Variants in KDM1B observed in about 807,000 individuals in gnomAD.
The protein encoded by KDM1B is lysine demethylase 1B, also known as lysine-specific histone demethylase 2.
A neutral mutation model predicts 107.4 loss-of-function variants in KDM1B; 63 were observed. The observed-to-expected ratio is 0.59, with a 90% CI of 0.48 to 0.72. KDM1B has a LOEUF of 0.72. KDM1B is among the 30% of genes least tolerant of loss of function. The probability of loss-of-function intolerance (pLI) is 0.00; values close to 1 mark genes in which losing one functional copy is unlikely to be tolerated. For missense variants in KDM1B, 749 were observed against 1,020.8 expected (o/e 0.73, Z 3.63); for synonymous variants, 363 against 363.9 (o/e 1.00, Z 0.03).
Position 18,204,557 on chromosome 6 carries a change from A to G in KDM1B, c.1532-980A>G, listed in dbSNP as rs1352731988. Among the ~76,000 whole-genome samples the G allele has an allele frequency of 1.3e-5, 2 of 152,202 alleles. No individual in the cohort carries two copies. The highest frequency in any genetic ancestry group is 2.9e-5 in the Non-Finnish European group (2 of 68,038). On this transcript the variant is annotated intron_variant, in intron 14 of 21. Coordinates refer to ENST00000650836, the MANE Select transcript of KDM1B (RefSeq NM_001364614.2). The surrounding 1 kb of genome is among the most constrained non-coding windows in gnomAD (Gnocchi z 4.9). ...TGTTTTGGATGGTTGTCATCACTGGAACAGTTGTAAAGAAGTAACCTGTAC... is the reference window on the plus strand; with the variant it reads ...TGTTTTGGATGGTTGTCATCACTGGGACAGTTGTAAAGAAGTAACCTGTAC...
Position 18,191,123 on chromosome 6 carries a change from T to G in KDM1B, c.785-74T>G, listed in dbSNP as rs1178688029. 1 of 1,392,852 alleles carries G rather than the reference T, an allele frequency of 7.2e-7. No individual in the cohort carries two copies. The highest frequency in any genetic ancestry group is 2.5e-5 in the East Asian group (1 of 39,918). The allele number at this position is 1,392,852 out of a possible 1,614,324, so 86.3% of individuals were successfully genotyped here. A position where few individuals can be genotyped will look rare whatever the true frequency, so the allele number is the denominator to read the frequency against. On this transcript the variant is annotated intron_variant, in intron 9 of 21. Transcript: ENST00000650836. This position sits in a 1 kb window ranked among gnomAD's most constrained non-coding sequence, Gnocchi z 5.1. ...GCTTGTCTAGGCTTACTTTTTGGTT[T>G]GCTTTTGCCCTTTAATTCTTCTGGA...
chr6:18,170,592 C>T (rs1219111818), intron 6 of KDM1B, among the ~76,000 whole-genome samples: 1 of 151,546 alleles, frequency 6.6e-6, no homozygotes, highest in Non-Finnish European at 1.5e-5. Flanking sequence ...GCCATCCTCT[C>T]ACCTCAGCCT....
chr6:18,166,791 C>A (rs988205627), intron 6 of KDM1B, among the ~76,000 whole-genome samples: 1 of 150,724 alleles, frequency 6.6e-6, no homozygotes, highest in Non-Finnish European at 1.5e-5. Flanking sequence ...GAGTTCAAGG[C>A]TGTAGTGAGC....
At chr6:18,176,092 G>C (rs116083521) in intron 7 of KDM1B, among the ~76,000 whole-genome samples, 1 of 151,860 alleles carries the variant, frequency 6.6e-6, no homozygotes, top group African/African-American at 2.4e-5. Flanking sequence ...CTACCCATCC[G>C]TGAGCATCCA....
Position 18,184,313 on chromosome 6 carries a change from C to T in KDM1B, c.535-1459C>T, listed in dbSNP as rs142439394. ...TTTTTGAGACGGAGTGTCGCTTTGT[C>T]GCCCAGGCTGGAGTTCAGTGTTGCG... On this transcript the variant is annotated intron_variant, in intron 7 of 21. Coordinates refer to ENST00000650836, the MANE Select transcript of KDM1B (RefSeq NM_001364614.2). 6.5e-3 allele frequency among the ~76,000 whole-genome samples: 782 copies of T among 120,262 alleles called. 8 individuals carry two copies. The highest frequency in any genetic ancestry group is 0.023 in the African/African-American group (732 of 31,538). The allele number at this position is 120,262 out of a possible 152,430, so 78.9% of individuals were successfully genotyped here. A position where few individuals can be genotyped will look rare whatever the true frequency, so the allele number is the denominator to read the frequency against.
Position 18,197,710 on chromosome 6 carries a change from T to C in KDM1B, c.1221+49T>C. 7.5e-7 allele frequency: 1 copy of C among 1,338,660 alleles called. No individual in the cohort carries two copies. The highest frequency in any genetic ancestry group is 2.3e-5 in the East Asian group (1 of 43,382). 82.9% of individuals were successfully genotyped at this position (1,338,660 alleles called of 1,614,324 possible). ...TAGAACAGATGGTTGACTGCTCCTT[T>C]TGGTCCAAATTTCTAAGATTTAGAA... is the stretch of plus-strand genomic sequence containing the variant. On this transcript the variant is annotated intron_variant, in intron 12 of 21. Transcript: ENST00000650836. The surrounding 1 kb of genome is among the most constrained non-coding windows in gnomAD (Gnocchi z 4.5).
In KDM1B at chr6:18,201,712, C is replaced by T. The variant is rs756219951; in HGVS notation, c.1531+55C>T. 15 of 1,424,386 alleles carry T rather than the reference C, an allele frequency of 1.1e-5. No homozygotes were observed. Among genetic ancestry groups the T allele is most frequent in the Non-Finnish European group, 1.4e-5 (15 of 1,055,220 alleles). 88.2% of individuals were successfully genotyped at this position (1,424,386 alleles called of 1,614,324 possible). ...CATCTCAGTTTCGTTGTTACCTAAG[C>T]TTCATCAGCAGTGGCATTGTTCATT... is the stretch of plus-strand genomic sequence containing the variant. On this transcript the variant is annotated intron_variant, in intron 14 of 21. Coordinates refer to ENST00000650836, the MANE Select transcript of KDM1B (RefSeq NM_001364614.2). The surrounding 1 kb of genome is among the most constrained non-coding windows in gnomAD (Gnocchi z 4.3).
chr6:18,207,598 GC>G (rs1788475261), intron 16 of KDM1B, 69 bp downstream of exon 16: 1 of 1,586,660 alleles, frequency 6.3e-7, no homozygotes, highest in African/African-American at 1.3e-5. Context: ...TGGGCATGCG[GC>G]TCACGCAGGA....
chr6:18,156,751 T>C lies in KDM1B; in HGVS notation c.-14+825T>C, dbSNP rs1371026305. On this transcript the variant is annotated intron_variant, in intron 2 of 21. Transcript: ENST00000650836. ...GGCCAAGGTGGTGAAACCTGGTCTC[T>C]ACTAAAAATACAAAAATTAGCCGGA... Among the ~76,000 whole-genome samples the C allele has an allele frequency of 5.3e-5, 8 of 151,972 alleles. No homozygotes were observed. In the East Asian group the frequency reaches 1.5e-3, roughly 29 times the overall value.
At position 18,219,980 on chromosome 6, in the gene KDM1B, G is replaced by A. The variant is rs141942969; in HGVS notation, c.2386-1929G>A. Among the ~76,000 whole-genome samples the A allele has an allele frequency of 7.9e-5, 12 of 152,270 alleles. 1 individual carries two copies. The East Asian group carries it at 2.3e-3, about 29-fold the overall frequency. The stretch of plus-strand genomic sequence containing the variant: ...CCGGTCAAGTGGGGAATGTGGTGAG[G>A]GATGTATTAATAATTGCTCTTTATA... On this transcript the variant is annotated intron_variant, in intron 21 of 21. Coordinates refer to ENST00000650836, the MANE Select transcript of KDM1B (RefSeq NM_001364614.2).
chr6:18,215,864 T>C (rs761634641), intron 20 of KDM1B, among the ~76,000 whole-genome samples: 2 of 152,166 alleles, frequency 1.3e-5, no homozygotes, highest in Non-Finnish European at 2.9e-5. Context: ...GCCAGCTTTT[T>C]TTAATATCGC....
At chr6:18,219,093 G>A (rs1279894254) in intron 21 of KDM1B, among the ~76,000 whole-genome samples, 2 of 151,912 alleles carry the variant, frequency 1.3e-5, no homozygotes, top group South Asian at 4.2e-4. Context: ...TAGTAGAGAC[G>A]GGGTTTCACC....
At chr6:18,173,436 T>A (rs1464924965) in intron 7 of KDM1B, among the ~76,000 whole-genome samples, 1 of 152,206 alleles carries the variant, frequency 6.6e-6, no homozygotes, top group Non-Finnish European at 1.5e-5. Flanking sequence ...TGAATATTTT[T>A]TCCCCCCAGT....
chr6:18,190,899 CA>C (rs568735839), intron 9 of KDM1B, among the ~76,000 whole-genome samples: 1,949 of 125,240 alleles, frequency 0.016, 37 homozygotes, highest in African/African-American at 0.047. Flanking sequence ...GACTCTGTCT[CA>C]AAAAAAAAAA....
intron 7 of KDM1B, among the ~76,000 whole-genome samples, chr6:18,175,608 G>A (rs771064808): frequency 6.6e-6 from 1 of 152,102 alleles, no homozygotes; most frequent in South Asian, 2.1e-4. Context: ...GTAGTTTCAG[G>A]TCCTAGATTT....
At chr6:18,189,171 C>T (rs1390179180) in intron 9 of KDM1B, among the ~76,000 whole-genome samples, 2 of 152,152 alleles carry the variant, frequency 1.3e-5, no homozygotes, top group Non-Finnish European at 2.9e-5. Context: ...TACGCCTGGA[C>T]AGGAACAAAT....
intron 7 of KDM1B, among the ~76,000 whole-genome samples, chr6:18,174,617 A>G (rs369876137): frequency 7.0e-6 from 1 of 143,202 alleles, no homozygotes; most frequent in Non-Finnish European, 1.5e-5. Context: ...CCCCCCTTCT[A>G]CTTTTCCCCC....
In KDM1B at chr6:18,185,766, T is replaced by C; in HGVS notation, c.535-6T>C. ...CCCTAATTTAACACTTGGTTTTCTT[T>C]TGTAGCCTGAGACCTCAGATCATTG... On this transcript the variant is annotated splice_polypyrimidine_tract_variant and splice_region_variant and intron_variant, in intron 7 of 21. Coordinates refer to ENST00000650836, the MANE Select transcript of KDM1B (RefSeq NM_001364614.2). The C allele has an allele frequency of 6.2e-7, 1 of 1,613,810 alleles. No homozygotes were observed. Among genetic ancestry groups the C allele is most frequent in the Admixed American group, 1.7e-5 (1 of 60,020 alleles).
intron 3 of KDM1B, among the ~76,000 whole-genome samples, chr6:18,160,606 C>CG (rs1273245557): frequency 1.3e-5 from 2 of 151,750 alleles, no homozygotes; most frequent in African/African-American, 4.8e-5. Flanking sequence ...GGTGTGGTGG[C>CG]GGGCGCCTGT....
Sources: allele counts gnomAD v4.1 joint callset (sites outside exome capture counted in the v4.1 genomes callset), GRCh38; gene constraint gnomAD v4.1.1; non-coding constraint Gnocchi (gnomAD v3.1); transcripts MANE v1.5; gene names NCBI Gene and HGNC (gene_info 2026-07-23, HGNC 2026-07-21).